CSMD1: variants seen among roughly 807,000 people sequenced by gnomAD.
The protein encoded by CSMD1 is CUB and sushi domain-containing protein 1.
In CSMD1, 213 loss-of-function variants were observed where a neutral mutation model predicts 417.5. The ratio of observed to expected loss-of-function variants is 0.51; its 90% CI spans 0.46 to 0.57. The LOEUF is 0.57. Ranked by LOEUF, CSMD1 falls within the 20% of genes least tolerant of loss-of-function variation. The pLI, the probability that CSMD1 is intolerant of heterozygous loss-of-function variation, is 0.00. For missense variants in CSMD1, 6,923 were observed against 4,529.7 expected, an observed-to-expected ratio of 1.53 and a Z score of -15.17; for synonymous variants, 2,862 against 1,736.8, an observed-to-expected ratio of 1.65 and a Z score of -16.11.
In CSMD1 at chr8:4,004,757, G is replaced by T. The variant is rs1046709875; in HGVS notation, c.611-6647C>A. Among the ~76,000 whole-genome samples the T allele has an allele frequency of 5.1e-4, 78 of 151,992 alleles. 2 individuals carry two copies. The highest frequency in any genetic ancestry group is 4.4e-3 in the Admixed American group (67 of 15,232). On this transcript the variant is annotated intron_variant, in intron 4 of 69. Transcript: ENST00000635120. ...CTTTATTCTTTTTTTGTTTTGTTTTGTTTTTGAGATGGCGTCTCACTCTGT... is the reference window on the plus strand; with the variant it reads ...CTTTATTCTTTTTTTGTTTTGTTTTTTTTTTGAGATGGCGTCTCACTCTGT...
intron 5 of CSMD1, among the ~76,000 whole-genome samples, chr8:3,926,996 G>A (rs924430414): frequency 6.6e-6 from 1 of 151,910 alleles, no homozygotes; most frequent in African/African-American, 2.4e-5. Context: ...TTACAGGCGT[G>A]AGCCACCGTG....
At chr8:3,611,446 A>T (rs1347467171) in intron 8 of CSMD1, among the ~76,000 whole-genome samples, 1 of 152,112 alleles carries the variant, frequency 6.6e-6, no homozygotes, top group African/African-American at 2.4e-5. Flanking sequence ...TAATTTAAAG[A>T]ACGATAGACC....
At chr8:4,872,745 T>A (rs949640716) in intron 1 of CSMD1, among the ~76,000 whole-genome samples, 15 of 152,104 alleles carry the variant, frequency 9.9e-5, no homozygotes, top group African/African-American at 3.6e-4. Context: ...TAAAAGATAA[T>A]TAAAAGATAT....
intron 23 of CSMD1, among the ~76,000 whole-genome samples, chr8:3,323,636 G>A (rs1468145684): frequency 1.3e-5 from 2 of 152,128 alleles, no homozygotes; most frequent in Admixed American, 6.6e-5. Flanking sequence ...CAAAAACAAC[G>A]TTGTGTTTAC....
chr8:3,659,444 A>G (rs1316739212), intron 7 of CSMD1, among the ~76,000 whole-genome samples: 2 of 152,190 alleles, frequency 1.3e-5, no homozygotes, highest in East Asian at 3.9e-4. Flanking sequence ...CTGAGACACT[A>G]CTTAGTTTTC....
chr8:4,279,144 G>A (rs895974396), intron 3 of CSMD1, among the ~76,000 whole-genome samples: 9 of 151,910 alleles, frequency 5.9e-5, no homozygotes, highest in African/African-American at 1.5e-4. Context: ...CCGTTTAGAC[G>A]TGCAAAGGAA....
chr8:3,156,034 C>G (rs1156872523), intron 39 of CSMD1, among the ~76,000 whole-genome samples: 1 of 152,210 alleles, frequency 6.6e-6, no homozygotes, highest in Non-Finnish European at 1.5e-5. Context: ...GTGTAACAGA[C>G]AGTAATTACC....
At chr8:3,891,220 AT>A (rs1188789566) in intron 5 of CSMD1, among the ~76,000 whole-genome samples, 14 of 151,570 alleles carry the variant, frequency 9.2e-5, no homozygotes, top group Admixed American at 9.2e-4. Context: ...TAATATTTGT[AT>A]TTTTCTTTGT....
In CSMD1 at chr8:4,120,018, G is replaced by C. The variant is rs546890740; in HGVS notation, c.416-87919C>G. On this transcript the variant is annotated intron_variant, in intron 3 of 69. Transcript: ENST00000635120. The stretch of plus-strand genomic sequence containing the variant: ...ATAGCACAATAGGGTGACGGCAGTT[G>C]ATGATAATTTAATTGCACATTTAAA... 1.1e-4 allele frequency among the ~76,000 whole-genome samples: 16 copies of C among 152,196 alleles called. No homozygotes were observed. In the East Asian group the frequency reaches 2.5e-3, roughly 24 times the overall value.
chr8:4,819,654 G>C (rs191383207), intron 1 of CSMD1, among the ~76,000 whole-genome samples: 1 of 152,108 alleles, frequency 6.6e-6, no homozygotes, highest in African/African-American at 2.4e-5. Flanking sequence ...AATATCATCT[G>C]TTGTCACCCC....
intron 3 of CSMD1, among the ~76,000 whole-genome samples, chr8:4,166,765 A>G (rs1378217773): frequency 6.6e-6 from 1 of 152,250 alleles, no homozygotes; most frequent in Non-Finnish European, 1.5e-5. Flanking sequence ...GCATAAAAAA[A>G]GCAAAATGTA....
chr8:4,167,461 G>T lies in CSMD1; in HGVS notation c.416-135362C>A, dbSNP rs536882237. On this transcript the variant is annotated intron_variant, in intron 3 of 69. Coordinates refer to ENST00000635120, the MANE Select transcript of CSMD1 (RefSeq NM_033225.6). ...GTTAACACACTGGAATAGAATGACG[G>T]TGGCTGAGAGACTACATTAGAAAAA... Among the ~76,000 whole-genome samples the T allele has an allele frequency of 1.2e-3, 185 of 152,224 alleles. 2 individuals carry two copies. Among genetic ancestry groups the T allele is most frequent in the African/African-American group, 4.2e-3 (176 of 41,540 alleles).
chr8:3,015,079 G>C (rs946220015), intron 52 of CSMD1, among the ~76,000 whole-genome samples: 4 of 144,468 alleles, frequency 2.8e-5, no homozygotes, highest in Non-Finnish European at 6.1e-5. Context: ...AATTAAAAAA[G>C]TTTTTAAAAG....
chr8:3,241,065 G>T (rs1222155972), intron 26 of CSMD1, among the ~76,000 whole-genome samples: 2 of 148,760 alleles, frequency 1.3e-5, no homozygotes, highest in Non-Finnish European at 3.0e-5. Flanking sequence ...GTGGGTTAAG[G>T]TGAGGGGATA....
At chr8:3,772,938 G>C (rs73658252) in intron 5 of CSMD1, among the ~76,000 whole-genome samples, 2,015 of 152,118 alleles carry the variant, frequency 0.013, 39 homozygotes, top group African/African-American at 0.046. Flanking sequence ...CACAGTTCTG[G>C]GGTCTGGAGG....
chr8:3,481,530 C>T (rs1585229052), intron 11 of CSMD1, among the ~76,000 whole-genome samples: 1 of 152,304 alleles, frequency 6.6e-6, no homozygotes, highest in East Asian at 1.9e-4. Flanking sequence ...ATCCTGCTCT[C>T]ACTCTAATCC....
intron 3 of CSMD1, among the ~76,000 whole-genome samples, chr8:4,147,029 C>A (rs567723715): frequency 2.0e-5 from 3 of 152,062 alleles, no homozygotes; most frequent in Middle Eastern, 3.4e-3. Context: ...AGTCAGAGAT[C>A]GGGGGTTTTC....
intron 1 of CSMD1, among the ~76,000 whole-genome samples, chr8:4,796,600 C>T (rs1008436314): frequency 6.6e-6 from 1 of 151,942 alleles, no homozygotes; most frequent in Non-Finnish European, 1.5e-5. Context: ...ACCTCGGCTC[C>T]AAGACCACTG....
In CSMD1 at chr8:3,149,503, G is replaced by T. The variant is rs150979780; in HGVS notation, c.6031+1894C>A. Among the ~76,000 whole-genome samples, 83 of 152,214 alleles carry T rather than the reference G, an allele frequency of 5.5e-4. No homozygotes were observed. The South Asian group carries it at 8.5e-3, about 16-fold the overall frequency. On this transcript the variant is annotated intron_variant, in intron 40 of 69. Transcript: ENST00000635120. ...ATTTATTCATTTACTTATTGAGACA[G>T]AGTCTCGCTCTGTCACCAAGCTGGA...
Sources: allele counts gnomAD v4.1 joint callset (sites outside exome capture counted in the v4.1 genomes callset), GRCh38; gene constraint gnomAD v4.1.1; transcripts MANE v1.5; gene names NCBI Gene and HGNC (gene_info 2026-07-23, HGNC 2026-07-21).